The following KRAS variants were observed in gnomAD, a reference collection of about 807,000 sequenced individuals.
The protein encoded by KRAS is GTPase KRas.
Under a neutral mutation model 21.0 loss-of-function variants are expected in KRAS, and 1 was observed. The observed-to-expected ratio is 0.05, with a 90% confidence interval of 0.02 to 0.23. The LOEUF (loss-of-function observed/expected upper bound fraction) is 0.23, where lower values mean the gene tolerates loss of function less well. Among genes scored for constraint, KRAS ranks in the 10% least tolerant of loss-of-function variants. The pLI is 1.00. For synonymous variants in KRAS, 67 were observed against 72.5 expected (o/e 0.92, Z 0.39); for missense variants, 107 against 221.8 (o/e 0.48, Z 3.29).
chr12:25,228,927 C>A (rs1054836892), intron 2 of KRAS, among the ~76,000 whole-genome samples: 20 of 151,994 alleles, frequency 1.3e-4, no homozygotes, highest in African/African-American at 4.8e-4. Context: ...GGCGTGGTGG[C>A]GGGCGCCTGT....
In KRAS at chr12:25,209,720, T is replaced by C; in HGVS notation, c.*75A>G. On this transcript the variant is annotated 3_prime_UTR_variant, in exon 5 of 5. Coordinates refer to ENST00000311936, the MANE Select transcript of KRAS (RefSeq NM_004985.5). ...AAAAATTAGGTAATGCTAAAACAAA[T>C]GCTAATAATTTAGTGTAATGTACAA... The C allele has an allele frequency of 6.4e-7, 1 of 1,562,050 alleles. No individual in the cohort carries two copies. Among genetic ancestry groups the C allele is most frequent in the Non-Finnish European group, 8.7e-7 (1 of 1,154,874 alleles).
chr12:25,205,570 CT>C lies in KRAS; in HGVS notation c.*4224del. 1 of 216,906 alleles carries C rather than the reference CT, an allele frequency of 4.6e-6. No homozygotes were observed. The highest frequency in any genetic ancestry group is 9.3e-6 in the Non-Finnish European group (1 of 107,516). 13.4% of individuals were successfully genotyped at this position (216,906 alleles called of 1,614,324 possible). On this transcript the variant is annotated 3_prime_UTR_variant, in exon 5 of 5. Transcript: ENST00000311936. ...AAACATGTTACATTAAGAAATAGTA[CT>C]AGTAAGAAATTGGCACTCAAAGGAA...
intron 4 of KRAS, among the ~76,000 whole-genome samples, chr12:25,221,676 T>C (rs1175950180): frequency 4.6e-5 from 7 of 152,146 alleles, no homozygotes; most frequent in Non-Finnish European, 1.0e-4. Context: ...CAGAAAATAT[T>C]TGCCAGCCTC....
At chr12:25,247,710 T>G (rs891465508) in intron 1 of KRAS, among the ~76,000 whole-genome samples, 8 of 152,202 alleles carry the variant, frequency 5.3e-5, no homozygotes, top group African/African-American at 1.9e-4. Context: ...AAGATGTCCT[T>G]TACCCTTTTA....
chr12:25,235,870 A>AC (rs1380485047), intron 2 of KRAS, among the ~76,000 whole-genome samples: 5 of 152,136 alleles, frequency 3.3e-5, no homozygotes, highest in Non-Finnish European at 5.9e-5. Flanking sequence ...AAACTGTTTC[A>AC]CCTCAGACCA....
At chr12:25,232,015 T>C (rs1399286415) in intron 2 of KRAS, among the ~76,000 whole-genome samples, 2 of 152,140 alleles carry the variant, frequency 1.3e-5, no homozygotes, top group Non-Finnish European at 2.9e-5. Flanking sequence ...CCCCAGCCTC[T>C]AGTCCTACAG....
At chr12:25,231,256 T>C (rs1456365034) in intron 2 of KRAS, among the ~76,000 whole-genome samples, 1 of 151,940 alleles carries the variant, frequency 6.6e-6, no homozygotes, top group Non-Finnish European at 1.5e-5. Context: ...CACGTGCCAC[T>C]GTGTCCAGCT....
chr12:25,237,095 CAT>C (rs1222257889), intron 2 of KRAS, among the ~76,000 whole-genome samples: 3 of 152,110 alleles, frequency 2.0e-5, no homozygotes, highest in Admixed American at 1.3e-4. Flanking sequence ...CAAGCAAAAA[CAT>C]AGACGAACTC....
chr12:25,245,628 A>G (rs942778263), intron 1 of KRAS, among the ~76,000 whole-genome samples: 1 of 152,252 alleles, frequency 6.6e-6, no homozygotes, highest in Admixed American at 6.5e-5. Flanking sequence ...AGAAAAATGC[A>G]TAAATGCTAC....
intron 3 of KRAS, 35 bp downstream of exon 3, chr12:25,227,199 T>C (rs750702399): frequency 1.3e-6 from 2 of 1,499,940 alleles, no homozygotes; most frequent in South Asian, 2.3e-5. Flanking sequence ...TAATTACTCC[T>C]TAATGTCAGC....
intron 2 of KRAS, among the ~76,000 whole-genome samples, chr12:25,239,755 C>T (rs1379982431): frequency 6.6e-6 from 1 of 152,230 alleles, no homozygotes; most frequent in South Asian, 2.1e-4. Flanking sequence ...GAGTTCGAGA[C>T]TAGCCTGGCC....
intron 4 of KRAS, among the ~76,000 whole-genome samples, chr12:25,221,351 G>A (rs1005758391): frequency 1.3e-5 from 2 of 151,198 alleles, no homozygotes; most frequent in African/African-American, 4.9e-5. Context: ...TACTGCCTCA[G>A]CCCCTTGAGT....
intron 4 of KRAS, chr12:25,215,689 G>A (rs1363635898): frequency 1.3e-6 from 1 of 745,724 alleles, no homozygotes; most frequent in Non-Finnish European, 2.3e-6. Context: ...ACATCAGACT[G>A]TTTGAATAAA....
chr12:25,209,448 T>G lies in KRAS; in HGVS notation c.*347A>C. ...TAGATAAAACACAGAATAGGGATGATTCAAAAGCTTCATTAATTTGTTTCA... is the reference window on the plus strand; with the variant it reads ...TAGATAAAACACAGAATAGGGATGAGTCAAAAGCTTCATTAATTTGTTTCA... On this transcript the variant is annotated 3_prime_UTR_variant, in exon 5 of 5. Coordinates refer to ENST00000311936, the MANE Select transcript of KRAS (RefSeq NM_004985.5). 3.5e-6 allele frequency: 4 copies of G among 1,135,392 alleles called. No homozygotes were observed. The highest frequency in any genetic ancestry group is 4.6e-6 in the Non-Finnish European group (4 of 872,852). 70.3% of individuals were successfully genotyped at this position (1,135,392 alleles called of 1,614,324 possible). A position where few individuals can be genotyped will look rare whatever the true frequency, so the allele number is the denominator to read the frequency against.
chr12:25,219,179 G>A (rs1027054966), intron 4 of KRAS, among the ~76,000 whole-genome samples: 4 of 151,914 alleles, frequency 2.6e-5, no homozygotes, highest in Admixed American at 6.6e-5. Flanking sequence ...CTTGTGATCC[G>A]CCTGCCTCAG....
rs1225182964 is a variant in KRAS at position 25,225,778 on chromosome 12, GA to G, written c.291-6del. 1 of 1,608,762 alleles carries G rather than the reference GA, an allele frequency of 6.2e-7. No homozygotes were observed. Among genetic ancestry groups the G allele is most frequent in the Non-Finnish European group, 8.5e-7 (1 of 1,177,884 alleles). ...TTAACTCTTTTAATTTGTTCTCTGG[GA>G]AAGAAAAAAAAGTTATAGCACAGTC... On this transcript the variant is annotated splice_polypyrimidine_tract_variant and splice_region_variant and intron_variant, in intron 3 of 4. Transcript: ENST00000311936.
chr12:25,212,356 T>C (rs1250402596), intron 4 of KRAS, among the ~76,000 whole-genome samples: 3 of 152,176 alleles, frequency 2.0e-5, no homozygotes, highest in African/African-American at 7.2e-5. Context: ...TTGAAAACAT[T>C]ACTTCCTAAG....
chr12:25,218,001 T>TGC, intron 4 of KRAS, among the ~76,000 whole-genome samples: 1 of 152,188 alleles, frequency 6.6e-6, no homozygotes, highest in Non-Finnish European at 1.5e-5. Flanking sequence ...TATCCAAAAT[T>TGC]TTCATTAATA....
At chr12:25,224,898 CAATT>C (rs769055320) in intron 4 of KRAS, among the ~76,000 whole-genome samples, 3 of 152,094 alleles carry the variant, frequency 2.0e-5, no homozygotes, top group African/African-American at 4.8e-5. Context: ...CTACATATAA[CAATT>C]AATTCCTTCC....
Sources: allele counts gnomAD v4.1 joint callset (sites outside exome capture counted in the v4.1 genomes callset), GRCh38; gene constraint gnomAD v4.1.1; transcripts MANE v1.5; gene names NCBI Gene and HGNC (gene_info 2026-07-23, HGNC 2026-07-21).